SDK1: variants seen among roughly 807,000 people sequenced by gnomAD.
SDK1 encodes sidekick cell adhesion molecule 1, also known as protein sidekick-1.
SDK1 carries 157 observed loss-of-function variants against 245.5 expected under a neutral mutation model. The ratio of observed to expected loss-of-function variants is 0.64; its 90% CI spans 0.56 to 0.73. SDK1 has a LOEUF of 0.73. SDK1 is among the 30% of genes least tolerant of loss of function. The probability of loss-of-function intolerance (pLI) is 0.00; values close to 1 mark genes in which losing one functional copy is unlikely to be tolerated. For synonymous variants in SDK1, 1,647 were observed against 1,278.5 expected (o/e 1.29, Z -6.15); for missense variants, 3,583 against 3,002.3 (o/e 1.19, Z -4.52).
At chr7:3,635,021 T>C (rs905344399) in intron 2 of SDK1, among the ~76,000 whole-genome samples, 1 of 152,222 alleles carries the variant, frequency 6.6e-6, no homozygotes, top group Non-Finnish European at 1.5e-5. Context: ...CAATTACTTG[T>C]GCTATTTCTT....
chr7:3,935,239 C>A (rs1780115215), intron 5 of SDK1, among the ~76,000 whole-genome samples: 1 of 152,194 alleles, frequency 6.6e-6, no homozygotes, highest in Non-Finnish European at 1.5e-5. Flanking sequence ...CACCCCACAC[C>A]TGACACCGTG....
intron 1 of SDK1, among the ~76,000 whole-genome samples, chr7:3,489,694 G>A (rs1210126739): frequency 1.3e-5 from 2 of 152,156 alleles, no homozygotes; most frequent in African/African-American, 2.4e-5. Flanking sequence ...AGTTTCTAAT[G>A]TGAAAAATAA....
intron 2 of SDK1, among the ~76,000 whole-genome samples, chr7:3,621,457 C>T (rs1583236730): frequency 6.6e-6 from 1 of 152,184 alleles, no homozygotes; most frequent in African/African-American, 2.4e-5. Context: ...AATGGAGTTT[C>T]AAAGAACCCA....
chr7:4,090,127 C>T (rs1459323405), intron 22 of SDK1, among the ~76,000 whole-genome samples: 4 of 152,196 alleles, frequency 2.6e-5, no homozygotes, highest in Non-Finnish European at 5.9e-5. Flanking sequence ...TGGCATGTCC[C>T]GTTGTTAGTC....
rs578177016 is a variant in SDK1 at position 4,108,497 on chromosome 7, G to T, written c.3325-2166G>T. 2.6e-5 allele frequency among the ~76,000 whole-genome samples: 4 copies of T among 152,130 alleles called. No homozygotes were observed. In the East Asian group the frequency reaches 7.7e-4, roughly 29 times the overall value. On this transcript the variant is annotated intron_variant, in intron 22 of 44. Coordinates refer to ENST00000404826, the MANE Select transcript of SDK1 (RefSeq NM_152744.4). ...GAACTGGCTCACTTTGGTGCCAGGG[G>T]ACTTGCCCCCTTTGCCTCTGGCTGT...
chr7:3,754,391 A>C (rs537040895), intron 4 of SDK1, among the ~76,000 whole-genome samples: 4 of 152,226 alleles, frequency 2.6e-5, no homozygotes, highest in Non-Finnish European at 4.4e-5. Flanking sequence ...GTAACTTAGC[A>C]AACTGTTACA....
intron 5 of SDK1, among the ~76,000 whole-genome samples, chr7:3,872,359 T>C (rs981800531): frequency 4.2e-4 from 64 of 152,128 alleles, no homozygotes; most frequent in African/African-American, 1.3e-3. Flanking sequence ...AGATATCGTA[T>C]AGAGTTGTTA....
intron 4 of SDK1, among the ~76,000 whole-genome samples, chr7:3,754,500 A>G (rs1355652377): frequency 6.6e-6 from 1 of 151,206 alleles, no homozygotes; most frequent in Non-Finnish European, 1.5e-5. Flanking sequence ...TATCAAGGTC[A>G]GTAACATTGT....
At chr7:3,655,960 TA>T (rs1363052718) in intron 4 of SDK1, among the ~76,000 whole-genome samples, 1 of 152,214 alleles carries the variant, frequency 6.6e-6, no homozygotes, top group Non-Finnish European at 1.5e-5. Flanking sequence ...GTTTATTTGA[TA>T]AATTGAATAT....
chr7:3,769,688 C>G (rs972890826), intron 4 of SDK1, among the ~76,000 whole-genome samples: 1 of 152,044 alleles, frequency 6.6e-6, no homozygotes, highest in African/African-American at 2.4e-5. Flanking sequence ...CAGTGGGACT[C>G]CTGTTCAACT....
At chr7:3,427,131 G>A (rs558190705) in intron 1 of SDK1, among the ~76,000 whole-genome samples, 245 of 152,236 alleles carry the variant, frequency 1.6e-3, no homozygotes, top group African/African-American at 5.8e-3. Flanking sequence ...GTATTCCCAT[G>A]ACCTTTGAAT....
chr7:4,085,327 A>T (rs1781360429), intron 22 of SDK1, among the ~76,000 whole-genome samples: 1 of 152,210 alleles, frequency 6.6e-6, no homozygotes, highest in South Asian at 2.1e-4. Flanking sequence ...GTGTTATACC[A>T]TGGAAGTGTA....
chr7:3,313,252 C>T (rs755514446), intron 1 of SDK1, among the ~76,000 whole-genome samples: 1 of 152,072 alleles, frequency 6.6e-6, no homozygotes, highest in Admixed American at 6.6e-5. Flanking sequence ...ACTAAAAATA[C>T]AAAAATTAGC....
chr7:3,593,367 G>C (rs1297354411), intron 1 of SDK1, among the ~76,000 whole-genome samples: 1 of 152,188 alleles, frequency 6.6e-6, no homozygotes, highest in Non-Finnish European at 1.5e-5. Flanking sequence ...TCTGGGGATA[G>C]TATGTGATGC....
At chr7:3,445,717 C>G (rs1780322419) in intron 1 of SDK1, among the ~76,000 whole-genome samples, 1 of 152,114 alleles carries the variant, frequency 6.6e-6, no homozygotes, top group Non-Finnish European at 1.5e-5. Context: ...TTATAACTGT[C>G]TTACATATTT....
chr7:3,828,523 A>T (rs1779833341), intron 5 of SDK1, among the ~76,000 whole-genome samples: 1 of 151,928 alleles, frequency 6.6e-6, no homozygotes, highest in Non-Finnish European at 1.5e-5. Flanking sequence ...AATTTGTAAT[A>T]CTTTAAAAAA....
intron 14 of SDK1, among the ~76,000 whole-genome samples, chr7:3,995,859 GT>G (rs1402790396): frequency 6.6e-6 from 1 of 151,202 alleles, no homozygotes; most frequent in Non-Finnish European, 1.5e-5. Flanking sequence ...GATTTTTTCA[GT>G]TTGCTTTTAC....
chr7:3,535,649 A>G (rs570691635), intron 1 of SDK1, among the ~76,000 whole-genome samples: 24 of 152,314 alleles, frequency 1.6e-4, no homozygotes, highest in African/African-American at 5.5e-4. Context: ...TTGTATGAGA[A>G]ACTATGTCTA....
rs536013843 is a variant in SDK1, at chr7:3,615,236, C to G, written c.299-3844C>G. 9.9e-5 allele frequency among the ~76,000 whole-genome samples: 15 copies of G among 151,718 alleles called. No homozygotes were observed. The South Asian group carries it at 1.9e-3, about 19-fold the overall frequency. ...TGCAAATGGCCAGACATTAATAAAG[C>G]CTGTAGCTCAGTAAATCCCACAGGA... On this transcript the variant is annotated intron_variant, in intron 1 of 44. Transcript: ENST00000404826.
Sources: gnomAD v4.1 joint callset for allele counts (sites outside exome capture counted in the v4.1 genomes callset) on GRCh38, gnomAD v4.1.1 for gene constraint, MANE v1.5 for transcripts, NCBI Gene and HGNC (gene_info 2026-07-23, HGNC 2026-07-21) for gene names.